Variants in IRF2 observed in about 807,000 individuals in gnomAD.
IRF2 encodes interferon regulatory factor 2.
In IRF2, 15 loss-of-function variants were observed where a neutral mutation model predicts 40.6. That is an observed-to-expected ratio of 0.37 (90% CI 0.25 to 0.57). The LOEUF (loss-of-function observed/expected upper bound fraction) is 0.57, where lower values mean the gene tolerates loss of function less well. Among genes scored for constraint, IRF2 ranks in the 20% least tolerant of loss-of-function variants. IRF2 has a pLI of 0.77. For missense variants in IRF2, 317 were observed against 455.7 expected (o/e 0.70, Z 2.77); for synonymous variants, 151 against 165.5 (o/e 0.91, Z 0.67).
chr4:184,388,645 G>C lies in IRF2; in HGVS notation c.*113C>G. 1 of 1,114,138 alleles carries C rather than the reference G, an allele frequency of 9.0e-7. No individual in the cohort carries two copies. Among genetic ancestry groups the C allele is most frequent in the Non-Finnish European group, 1.3e-6 (1 of 771,308 alleles). 69.0% of individuals were successfully genotyped at this position (1,114,138 alleles called of 1,614,324 possible). The stretch of plus-strand genomic sequence containing the variant: ...CAGCAATCAATGTTCTATTGTCAAG[G>C]CTTTTTCCCTTAGATTTGTCTAAAA... On this transcript the variant is annotated 3_prime_UTR_variant, in exon 9 of 9. Transcript: ENST00000393593. The surrounding 1 kb of genome is among the most constrained non-coding windows in gnomAD (Gnocchi z 4.6).
intron 6 of IRF2, among the ~76,000 whole-genome samples, chr4:184,404,837 C>CA (rs1736792924): frequency 6.6e-6 from 1 of 152,168 alleles, no homozygotes; most frequent in African/African-American, 2.4e-5. Flanking sequence ...ACCAGGGTGA[C>CA]AGAGTGCAGG....
Position 184,408,171 on chromosome 4 carries a change from C to A in IRF2, c.516G>T (p.Thr172=), listed in dbSNP as rs780275971. ...TSTIKNEVDS[T]VNIIVVGQSH... ...AAAACAGTTTACCTATGATGTTCACCGTACTATCCACTTCATTTTTTATAG... is the reference window on the plus strand; with the variant it reads ...AAAACAGTTTACCTATGATGTTCACAGTACTATCCACTTCATTTTTTATAG... The change falls in exon 6 of 9, where the codon ACG becomes ACT. Residue 172 remains threonine (T), a synonymous_variant. Coordinates refer to ENST00000393593, the MANE Select transcript of IRF2 (RefSeq NM_002199.4). The surrounding 1 kb of genome is among the most constrained non-coding windows in gnomAD (Gnocchi z 4.9). The A allele has an allele frequency of 6.3e-7, 1 of 1,595,162 alleles. No individual in the cohort carries two copies. The highest frequency in any genetic ancestry group is 1.3e-5 in the African/African-American group (1 of 74,600).
rs1323095800 is a variant in IRF2, at chr4:184,413,373, A to C, written c.411+4794T>G. On this transcript the variant is annotated intron_variant, in intron 5 of 8. Coordinates refer to ENST00000393593, the MANE Select transcript of IRF2 (RefSeq NM_002199.4). This position sits in a 1 kb window ranked among gnomAD's most constrained non-coding sequence, Gnocchi z 4.2. ...TGGGAAGGGAGGATCCCGGGCAGGCAGAATAAGCCTGATAACCTGCTTCAC... is the reference window on the plus strand; with the variant it reads ...TGGGAAGGGAGGATCCCGGGCAGGCCGAATAAGCCTGATAACCTGCTTCAC... 6.6e-6 allele frequency among the ~76,000 whole-genome samples: 1 copy of C among 152,248 alleles called. No homozygotes were observed. Among genetic ancestry groups the C allele is most frequent in the African/African-American group, 2.4e-5 (1 of 41,464 alleles).
At chr4:184,462,453 A>G (rs950336243) in intron 1 of IRF2, among the ~76,000 whole-genome samples, 1 of 152,248 alleles carries the variant, frequency 6.6e-6, no homozygotes, top group Non-Finnish European at 1.5e-5. Flanking sequence ...AAAGAGAACA[A>G]ATGAAGGCAA....
chr4:184,439,376 G>A (rs1266791969), intron 1 of IRF2, among the ~76,000 whole-genome samples: 4 of 148,318 alleles, frequency 2.7e-5, no homozygotes, highest in Middle Eastern at 3.6e-3. Context: ...AAGGTCCCTG[G>A]CCCCACTCTA....
intron 1 of IRF2, among the ~76,000 whole-genome samples, chr4:184,429,454 G>C (rs1737794425): frequency 6.6e-6 from 1 of 152,202 alleles, no homozygotes; most frequent in Admixed American, 6.5e-5. Context: ...CAAGAGCCAA[G>C]GGGTGGGCAG....
chr4:184,396,343 T>C (rs1235945459), intron 7 of IRF2, among the ~76,000 whole-genome samples: 2 of 152,182 alleles, frequency 1.3e-5, no homozygotes, highest in East Asian at 3.9e-4. Context: ...CATCAACGGC[T>C]CATGGGTTCT....
chr4:184,452,260 A>G (rs1384764822), intron 1 of IRF2, among the ~76,000 whole-genome samples: 1 of 152,210 alleles, frequency 6.6e-6, no homozygotes, highest in Non-Finnish European at 1.5e-5. Flanking sequence ...CAAAGTGACC[A>G]TTGCTTCTTT....
chr4:184,429,202 C>T (rs57810789), intron 1 of IRF2, 132 bp from the exon 2 acceptor site: 73,917 of 632,214 alleles, frequency 0.12, 6,529 homozygotes, highest in Middle Eastern at 0.2. Context: ...GCTGGGGGGT[C>T]GGTGTACTCA....
At chr4:184,407,220 A>G (rs1163442022) in intron 6 of IRF2, 1 of 1,289,350 alleles carries the variant, frequency 7.8e-7, no homozygotes, top group East Asian at 5.5e-5. Flanking sequence ...ACAATTCAGC[A>G]TGCTGCTGGC....
At chr4:184,426,086 C>T (rs68145634) in intron 2 of IRF2, among the ~76,000 whole-genome samples, 30,712 of 152,020 alleles carry the variant, frequency 0.2, 3,296 homozygotes, top group Admixed American at 0.3. Context: ...ACGCAACCTC[C>T]ACCACTGCAA....
chr4:184,396,519 G>C (rs2149892280), intron 7 of IRF2, among the ~76,000 whole-genome samples: 1 of 150,866 alleles, frequency 6.6e-6, no homozygotes, highest in South Asian at 2.1e-4. Context: ...ATGAAGCCTT[G>C]AACTCCTGGG....
intron 1 of IRF2, among the ~76,000 whole-genome samples, chr4:184,433,885 C>G (rs1466970607): frequency 6.6e-6 from 1 of 152,208 alleles, no homozygotes; most frequent in South Asian, 2.1e-4. Context: ...GGTGAGCGTA[C>G]ATCTTTACTT....
chr4:184,436,520 T>C (rs1179006210), intron 1 of IRF2, among the ~76,000 whole-genome samples: 1 of 152,256 alleles, frequency 6.6e-6, no homozygotes, highest in Non-Finnish European at 1.5e-5. Flanking sequence ...TAGTGTATTA[T>C]TAATTGCCAA....
At chr4:184,425,482 G>A (rs1374825974) in intron 2 of IRF2, among the ~76,000 whole-genome samples, 1 of 152,268 alleles carries the variant, frequency 6.6e-6, no homozygotes, top group African/African-American at 2.4e-5. Context: ...CAGCTTGACA[G>A]GGCCTCGGGG....
intron 1 of IRF2, among the ~76,000 whole-genome samples, chr4:184,443,628 G>A (rs1175385655): frequency 6.6e-6 from 1 of 152,162 alleles, no homozygotes; most frequent in African/African-American, 2.4e-5. Flanking sequence ...TGAGGACCTA[G>A]GTTAAGTCCA....
Position 184,418,198 on chromosome 4 carries a change from G to A in IRF2, c.380C>T (p.Thr127Ile). Residue 127 changes from threonine (T) to isoleucine (I), a missense_variant, in exon 5 of 9, where the codon ACA becomes ATA. Coordinates refer to ENST00000393593, the MANE Select transcript of IRF2 (RefSeq NM_002199.4). ...GTGCTTAACTTTGTCTTCTTTTTCT[G>A]TCTTTGGTTTCTTTCCTGTGGCAAC... The part of the protein sequence containing the change: ...RPSKKGKKPK[T>I]EKEDKVKHIK... 5 of 1,613,744 alleles carry A rather than the reference G, an allele frequency of 3.1e-6. No homozygotes were observed. The highest frequency in any genetic ancestry group is 4.2e-6 in the Non-Finnish European group (5 of 1,179,664).
intron 7 of IRF2, among the ~76,000 whole-genome samples, chr4:184,397,741 T>C (rs572954067): frequency 7.9e-5 from 12 of 152,288 alleles, no homozygotes; most frequent in African/African-American, 2.9e-4. Flanking sequence ...GAACTGCAGT[T>C]TCCCAGGATG....
intron 1 of IRF2, among the ~76,000 whole-genome samples, chr4:184,454,944 C>T (rs1036151897): frequency 6.6e-6 from 1 of 152,188 alleles, no homozygotes; most frequent in Admixed American, 6.5e-5. Flanking sequence ...AGGGCCCGTG[C>T]TCCACCTAAC....
Sources: gnomAD v4.1 joint callset for allele counts (sites outside exome capture counted in the v4.1 genomes callset) on GRCh38, gnomAD v4.1.1 for gene constraint, Gnocchi (gnomAD v3.1) non-coding constraint, MANE v1.5 for transcripts, NCBI Gene and HGNC (gene_info 2026-07-23, HGNC 2026-07-21) for gene names.